The following GREB1L variants were observed in gnomAD, a reference collection of about 807,000 sequenced individuals.
GREB1L encodes the protein GREB1-like protein.
Under a neutral mutation model 200.8 loss-of-function variants are expected in GREB1L, and 17 were observed. That is an observed-to-expected ratio of 0.08 (90% CI 0.06 to 0.13). The LOEUF is 0.13. Ranked by LOEUF, GREB1L falls within the 10% of genes least tolerant of loss-of-function variation. The probability of loss-of-function intolerance (pLI) is 1.00; values close to 1 mark genes in which losing one functional copy is unlikely to be tolerated. For synonymous variants in GREB1L, 789 were observed against 893.0 expected (o/e 0.88, Z 2.08); for missense variants, 1,657 against 2,367.7 (o/e 0.70, Z 6.23).
chr18:21,449,365 C>T lies in GREB1L; in HGVS notation c.1394-145C>T, dbSNP rs2034404897. On this transcript the variant is annotated intron_variant, in intron 11 of 32. Coordinates refer to ENST00000424526, the MANE Select transcript of GREB1L (RefSeq NM_001142966.3). ...GGGAATGATTAGTAGGGACTCTATA[C>T]TTGTGACCACTCCAAGAAAAAGAGG... 1.8e-5 allele frequency: 10 copies of T among 559,456 alleles called. No homozygotes were observed. In the South Asian group the frequency reaches 2.7e-4, roughly 15 times the overall value. The allele number at this position is 559,456 out of a possible 1,614,324, so 34.7% of individuals were successfully genotyped here. A position where few individuals can be genotyped will look rare whatever the true frequency, so the allele number is the denominator to read the frequency against.
intron 1 of GREB1L, among the ~76,000 whole-genome samples, chr18:21,243,034 G>A (rs927842536): frequency 5.9e-5 from 9 of 152,046 alleles, no homozygotes; most frequent in Non-Finnish European, 8.8e-5. Context: ...CGTGTCTTCC[G>A]GCCAGCATGT....
At chr18:21,274,795 G>A (rs1024454881) in intron 1 of GREB1L, among the ~76,000 whole-genome samples, 4 of 152,026 alleles carry the variant, frequency 2.6e-5, no homozygotes, top group African/African-American at 9.7e-5. Flanking sequence ...GCTGATGTGG[G>A]AGGATCGCTT....
chr18:21,388,379 A>G (rs1406918519), intron 4 of GREB1L, among the ~76,000 whole-genome samples: 2 of 152,062 alleles, frequency 1.3e-5, no homozygotes, highest in African/African-American at 2.4e-5. Flanking sequence ...GCTACAAGTA[A>G]TGAACCAATA....
At chr18:21,264,987 A>G (rs2037944127) in intron 1 of GREB1L, among the ~76,000 whole-genome samples, 1 of 152,094 alleles carries the variant, frequency 6.6e-6, no homozygotes. Context: ...ATTCTTCCAC[A>G]TTCTTGCTGT....
intron 1 of GREB1L, among the ~76,000 whole-genome samples, chr18:21,291,646 A>G (rs1243943417): frequency 6.6e-6 from 1 of 152,252 alleles, no homozygotes; most frequent in African/African-American, 2.4e-5. Context: ...ATTAAAAAGC[A>G]TACTGAAATC....
chr18:21,407,480 A>G (rs2030397556), intron 7 of GREB1L, among the ~76,000 whole-genome samples: 1 of 152,158 alleles, frequency 6.6e-6, no homozygotes, highest in African/African-American at 2.4e-5. Flanking sequence ...CTTAAATTCA[A>G]CTTTTCATGT....
chr18:21,422,952 A>G (rs2032273806), intron 7 of GREB1L, among the ~76,000 whole-genome samples: 1 of 151,916 alleles, frequency 6.6e-6, no homozygotes, highest in South Asian at 2.1e-4. Context: ...TTTTCTTTAG[A>G]CGGAGTCTTG....
intron 1 of GREB1L, among the ~76,000 whole-genome samples, chr18:21,281,949 A>G (rs751526774): frequency 1.3e-5 from 2 of 152,176 alleles, no homozygotes; most frequent in Non-Finnish European, 2.9e-5. Flanking sequence ...TCATTATAAC[A>G]TATATATTAT....
intron 7 of GREB1L, among the ~76,000 whole-genome samples, chr18:21,404,819 T>G (rs1319439919): frequency 1.3e-5 from 2 of 152,266 alleles, no homozygotes; most frequent in South Asian, 4.1e-4. Flanking sequence ...TTCAGTTCAC[T>G]TGTTTTTTGT....
chr18:21,434,499 A>ATGTG lies in GREB1L; in HGVS notation c.833-4992_833-4989dup, dbSNP rs67516917. Among the ~76,000 whole-genome samples, 312 of 127,276 alleles carry ATGTG rather than the reference A, an allele frequency of 2.5e-3. 2 individuals carry two copies. Among genetic ancestry groups the ATGTG allele is most frequent in the African/African-American group, 5.0e-3 (150 of 29,726 alleles). 83.5% of individuals were successfully genotyped at this position (127,276 alleles called of 152,430 possible). On this transcript the variant is annotated intron_variant, in intron 7 of 32. Coordinates refer to ENST00000424526, the MANE Select transcript of GREB1L (RefSeq NM_001142966.3). ...TAAAAAAAATAGTATATATATATAT[A>ATGTG]TGTGTGTGTGTGTGTGTGTGTGTGT...
At chr18:21,280,768 T>C (rs932525618) in intron 1 of GREB1L, among the ~76,000 whole-genome samples, 1 of 152,320 alleles carries the variant, frequency 6.6e-6, no homozygotes, top group Non-Finnish European at 1.5e-5. Flanking sequence ...TAATTCTGGT[T>C]GTCTGCTCTT....
chr18:21,499,622 C>T (rs1415531572), intron 21 of GREB1L, 107 bp from the exon 22 acceptor site: 24 of 728,848 alleles, frequency 3.3e-5, no homozygotes, highest in South Asian at 2.4e-4. Flanking sequence ...GGTCTGCAGC[C>T]GCGGAGCCGA....
At chr18:21,473,703 G>A (rs982963568) in intron 16 of GREB1L, among the ~76,000 whole-genome samples, 8 of 151,628 alleles carry the variant, frequency 5.3e-5, no homozygotes, top group Non-Finnish European at 8.8e-5. Flanking sequence ...TTCTCTCATC[G>A]ATTTCATGTT....
intron 1 of GREB1L, among the ~76,000 whole-genome samples, chr18:21,346,537 T>C (rs1425150451): frequency 6.6e-6 from 1 of 152,118 alleles, no homozygotes; most frequent in East Asian, 1.9e-4. Flanking sequence ...TTACTTGGTC[T>C]TGGTCTTATC....
chr18:21,488,296 G>A (rs1360563162), intron 18 of GREB1L, among the ~76,000 whole-genome samples: 5 of 151,952 alleles, frequency 3.3e-5, no homozygotes, highest in East Asian at 1.9e-4. Context: ...ACTCTGTCTC[G>A]AAAAAAGAAA....
intron 1 of GREB1L, among the ~76,000 whole-genome samples, chr18:21,275,334 G>C (rs1028978816): frequency 2.0e-5 from 3 of 152,102 alleles, no homozygotes; most frequent in Non-Finnish European, 4.4e-5. Flanking sequence ...TTAAATAAGT[G>C]GGGGAAAATA....
intron 1 of GREB1L, among the ~76,000 whole-genome samples, chr18:21,261,172 CTATATA>C (rs1171245555): frequency 6.6e-6 from 1 of 151,816 alleles, no homozygotes; most frequent in African/African-American, 2.4e-5. Context: ...AATATTTAGA[CTATATA>C]TATATTTTTC....
chr18:21,284,593 A>C lies in GREB1L; in HGVS notation c.-120+42200A>C, dbSNP rs530251370. Among the ~76,000 whole-genome samples the C allele has an allele frequency of 7.2e-5, 11 of 152,098 alleles. No individual in the cohort carries two copies. In the East Asian group the frequency reaches 1.4e-3, roughly 19 times the overall value. ...GTTGATAGACATTTGGGCTGTTTCC[A>C]CTTTTTTGGACTATAATAAATAGTG... On this transcript the variant is annotated intron_variant, in intron 1 of 32. Coordinates refer to ENST00000424526, the MANE Select transcript of GREB1L (RefSeq NM_001142966.3).
chr18:21,369,019 G>A (rs2039775273), intron 2 of GREB1L, among the ~76,000 whole-genome samples: 1 of 152,158 alleles, frequency 6.6e-6, no homozygotes, highest in African/African-American at 2.4e-5. Flanking sequence ...AGTGTTAGGT[G>A]GAAAATATTT....
Sources: allele counts gnomAD v4.1 joint callset (sites outside exome capture counted in the v4.1 genomes callset), GRCh38; gene constraint gnomAD v4.1.1; transcripts MANE v1.5; gene names NCBI Gene and HGNC (gene_info 2026-07-23, HGNC 2026-07-21).